Variants in PRKCQ observed in about 807,000 individuals in gnomAD.
PRKCQ encodes the protein protein kinase C theta type.
Under a neutral mutation model 91.2 loss-of-function variants are expected in PRKCQ, and 41 were observed. The ratio of observed to expected loss-of-function variants is 0.45; its 90% CI spans 0.35 to 0.58. The LOEUF (loss-of-function observed/expected upper bound fraction) is 0.58. Ranked by LOEUF, PRKCQ falls within the 20% of genes least tolerant of loss-of-function variation. The pLI, the probability that PRKCQ is intolerant of heterozygous loss-of-function variation, is 0.00. For missense variants in PRKCQ, 673 were observed against 896.5 expected (o/e 0.75, Z 3.18); for synonymous variants, 307 against 316.9 (o/e 0.97, Z 0.33).
rs1835579204 is a variant in PRKCQ, at chr10:6,465,158, C to T, written c.1354-754G>A. On this transcript the variant is annotated intron_variant, in intron 12 of 17. Transcript: ENST00000263125. This position sits in a 1 kb window ranked among gnomAD's most constrained non-coding sequence, Gnocchi z 4.4. The stretch of plus-strand genomic sequence containing the variant: ...CTTGAAAACATTCATTCACTCAACA[C>T]TCAGTAATTAGCTACTGAGCATATT... 6.6e-6 allele frequency among the ~76,000 whole-genome samples: 1 copy of T among 152,240 alleles called. No homozygotes were observed. The highest frequency in any genetic ancestry group is 1.5e-5 in the Non-Finnish European group (1 of 68,040).
rs1481837242 is a variant in PRKCQ, at chr10:6,483,866, C to T, written c.1019-266G>A. Among the ~76,000 whole-genome samples the T allele has an allele frequency of 2.0e-5, 3 of 152,176 alleles. No individual in the cohort carries two copies. In the East Asian group the frequency reaches 5.8e-4, roughly 29 times the overall value. ...TTCAATAGACTGGGAAATAGTTCAA[C>T]TTAAGAAACAAATTCCAATCAGTAA... On this transcript the variant is annotated intron_variant, in intron 10 of 17. Transcript: ENST00000263125.
In PRKCQ at chr10:6,430,582, G is replaced by A. The variant is rs1009970480; in HGVS notation, c.1965+228C>T. 6.6e-6 allele frequency among the ~76,000 whole-genome samples: 1 copy of A among 152,162 alleles called. No individual in the cohort carries two copies. Among genetic ancestry groups the A allele is most frequent in the Admixed American group, 6.5e-5 (1 of 15,276 alleles). On this transcript the variant is annotated intron_variant, in intron 17 of 17. Coordinates refer to ENST00000263125, the MANE Select transcript of PRKCQ (RefSeq NM_006257.5). The surrounding 1 kb of genome is among the most constrained non-coding windows in gnomAD (Gnocchi z 4.7). ...CACACAGCAATCCATTCTTCATGCA[G>A]GCGCATCTTGACGACAGAGATTAAA...
chr10:6,433,986 G>A (rs1464590908), intron 16 of PRKCQ, among the ~76,000 whole-genome samples: 3 of 140,048 alleles, frequency 2.1e-5, no homozygotes, highest in Non-Finnish European at 4.5e-5. Flanking sequence ...AGCCGAGATC[G>A]CACCACCACT....
chr10:6,544,705 C>T lies in PRKCQ; in HGVS notation c.-9-29561G>A, dbSNP rs564153144. On this transcript the variant is annotated intron_variant, in intron 1 of 17. Transcript: ENST00000263125. The stretch of plus-strand genomic sequence containing the variant: ...GCATGATCCAGGCTCACTGCAACCT[C>T]CACCTCCTGGGTTTAAGAGATTCTC... Among the ~76,000 whole-genome samples, 5 of 151,862 alleles carry T rather than the reference C, an allele frequency of 3.3e-5. No homozygotes were observed. The East Asian group carries it at 9.7e-4, about 29-fold the overall frequency.
At chr10:6,428,557 TTAA>T (rs1833245386) in intron 17 of PRKCQ, among the ~76,000 whole-genome samples, 195 bp from the exon 18 acceptor site, 1 of 152,156 alleles carries the variant, frequency 6.6e-6, no homozygotes, top group South Asian at 2.1e-4. Flanking sequence ...TGTCCTCAGC[TTAA>T]TAATAATATA....
intron 8 of PRKCQ, among the ~76,000 whole-genome samples, chr10:6,486,362 G>A (rs1339082722): frequency 5.9e-5 from 9 of 152,222 alleles, no homozygotes; most frequent in South Asian, 2.1e-4. Flanking sequence ...GGGTTCAGAC[G>A]CCAGACCAAA....
chr10:6,481,110 T>G (rs1467317952), intron 11 of PRKCQ, among the ~76,000 whole-genome samples: 1 of 152,214 alleles, frequency 6.6e-6, no homozygotes, highest in Non-Finnish European at 1.5e-5. Context: ...CCTCTCCGTG[T>G]ATAGGGACCC....
the PRKCQ span, among the ~76,000 whole-genome samples, chr10:6,416,529 C>A: frequency 6.6e-5 from 10 of 152,294 alleles, no homozygotes; most frequent in African/African-American, 2.4e-4. Context: ...CAAGTTGCTG[C>A]AAAAGACATT....
At chr10:6,559,823 TTGTGTGTG>T (rs34001966) in intron 1 of PRKCQ, among the ~76,000 whole-genome samples, 4 of 151,962 alleles carry the variant, frequency 2.6e-5, no homozygotes, top group African/African-American at 7.3e-5. Flanking sequence ...TCTTTGAGTT[TTGTGTGTG>T]TGTGTTTGTT....
At chr10:6,491,196 T>A (rs1189920174) in intron 8 of PRKCQ, among the ~76,000 whole-genome samples, 3 of 152,202 alleles carry the variant, frequency 2.0e-5, no homozygotes, top group Non-Finnish European at 4.4e-5. Flanking sequence ...ACAGAATTTC[T>A]GTGCAGGACC....
chr10:6,403,962 ATGG>A, the PRKCQ span, among the ~76,000 whole-genome samples: 1 of 152,102 alleles, frequency 6.6e-6, no homozygotes, highest in African/African-American at 2.4e-5. Flanking sequence ...TACAATCTCT[ATGG>A]TGACAGATAA....
chr10:6,464,235 G>A, intron 13 of PRKCQ, 78 bp downstream of exon 13: 1 of 1,313,362 alleles, frequency 7.6e-7, no homozygotes, highest in Non-Finnish European at 1.1e-6. Context: ...GGCATGCCAA[G>A]TGGGAAAAAA....
At chr10:6,461,270 C>T (rs1351816764) in intron 14 of PRKCQ, among the ~76,000 whole-genome samples, 1 of 152,092 alleles carries the variant, frequency 6.6e-6, no homozygotes, top group African/African-American at 2.4e-5. Flanking sequence ...TCTGTTCACT[C>T]ATCCATCATC....
intron 12 of PRKCQ, among the ~76,000 whole-genome samples, chr10:6,475,608 G>A (rs2130752801): frequency 6.6e-6 from 1 of 152,272 alleles, no homozygotes. Context: ...AAATAACAAT[G>A]CCCTGGAGAA....
chr10:6,437,085 G>A (rs1833733044), intron 16 of PRKCQ, among the ~76,000 whole-genome samples: 1 of 152,210 alleles, frequency 6.6e-6, no homozygotes, highest in South Asian at 2.1e-4. Context: ...TCACGCCTCA[G>A]GTTGTACAGA....
rs564274839 is a variant in PRKCQ, at chr10:6,498,344, C to T, written c.542+52G>A. On this transcript the variant is annotated intron_variant, in intron 5 of 17. Transcript: ENST00000263125. ...ATGCCAGCGTAGAGGATTAAGAAGACGCAACAAAATGCATAACCCGAAGCT... is the reference window on the plus strand; with the variant it reads ...ATGCCAGCGTAGAGGATTAAGAAGATGCAACAAAATGCATAACCCGAAGCT... 77 of 1,588,716 alleles carry T rather than the reference C, an allele frequency of 4.8e-5. 1 individual carries two copies. The highest frequency in any genetic ancestry group is 1.8e-4 in the East Asian group (8 of 44,722).
chr10:6,507,100 A>G (rs1362104377), intron 4 of PRKCQ, among the ~76,000 whole-genome samples: 5 of 152,248 alleles, frequency 3.3e-5, no homozygotes, highest in Non-Finnish European at 5.9e-5. Context: ...TCATTTAACC[A>G]TAGACAATGT....
chr10:6,518,708 C>A (rs183475935), intron 1 of PRKCQ, among the ~76,000 whole-genome samples: 47 of 152,130 alleles, frequency 3.1e-4, no homozygotes, highest in African/African-American at 1.1e-3. Flanking sequence ...GTAATCCCAG[C>A]GACTCTGGAG....
intron 15 of PRKCQ, among the ~76,000 whole-genome samples, chr10:6,450,634 T>G (rs543885943): frequency 1.3e-3 from 195 of 152,228 alleles, no homozygotes; most frequent in African/African-American, 4.1e-3. Flanking sequence ...ATACATTTTT[T>G]TCAGCACCAC....
Sources: allele counts gnomAD v4.1 joint callset (sites outside exome capture counted in the v4.1 genomes callset), GRCh38; gene constraint gnomAD v4.1.1; non-coding constraint Gnocchi (gnomAD v3.1); transcripts MANE v1.5; gene names NCBI Gene and HGNC (gene_info 2026-07-23, HGNC 2026-07-21).